Variants in LRRK1 observed in about 807,000 individuals in gnomAD.
LRRK1 encodes leucine rich repeat kinase 1.
A neutral mutation model predicts 209.1 loss-of-function variants in LRRK1; 113 were observed. The ratio of observed to expected loss-of-function variants is 0.54; its 90% CI spans 0.46 to 0.63. The LOEUF is 0.63. LRRK1 is among the 30% of genes least tolerant of loss of function. The pLI, the probability that LRRK1 is intolerant of heterozygous loss-of-function variation, is 0.00. For missense variants in LRRK1, 2,284 were observed against 2,632.2 expected (o/e 0.87, Z 2.89); for synonymous variants, 1,144 against 1,099.7 (o/e 1.04, Z -0.80).
At position 101,071,080 on chromosome 15, in the gene LRRK1, G is replaced by C. The variant is rs909094868; in HGVS notation, c.*2232G>C. The C allele has an allele frequency of 6.6e-6, 1 of 152,224 alleles. No individual in the cohort carries two copies. Among genetic ancestry groups the C allele is most frequent in the Non-Finnish European group, 1.5e-5 (1 of 68,076 alleles). 9.4% of individuals were successfully genotyped at this position (152,224 alleles called of 1,614,324 possible). ...ATGCTTGACCTCACCCAACAGCAGG[G>C]AAACAGTCTCCACAACAGTAAAATG... On this transcript the variant is annotated 3_prime_UTR_variant, in exon 34 of 34. Transcript: ENST00000388948.
intron 31 of LRRK1, 63 bp from the exon 32 acceptor site, chr15:101,065,289 C>G: frequency 6.4e-7 from 1 of 1,565,528 alleles, no homozygotes; most frequent in Non-Finnish European, 8.6e-7. Flanking sequence ...AGTGCCTACT[C>G]TGTGTCTCTC....
intron 3 of LRRK1, among the ~76,000 whole-genome samples, chr15:100,980,213 TACTACTA>T (rs1489492135): frequency 6.6e-6 from 1 of 151,488 alleles, no homozygotes; most frequent in Non-Finnish European, 1.5e-5. Context: ...ATATATGGAG[TACTACTA>T]AGCTATACAA....
At chr15:101,061,117 A>G in intron 29 of LRRK1, 54 bp from the exon 30 acceptor site, 3 of 1,363,450 alleles carry the variant, frequency 2.2e-6, no homozygotes, top group Non-Finnish European at 3.1e-6. Flanking sequence ...GCTCAGGGAA[A>G]GGAGGCAGCC....
intron 3 of LRRK1, among the ~76,000 whole-genome samples, chr15:100,982,737 C>G (rs756786437): frequency 5.9e-5 from 9 of 152,192 alleles, no homozygotes; most frequent in Admixed American, 2.0e-4. Context: ...AGCTGGTTCC[C>G]TTCCCCCTTC....
rs112898862 is a variant in LRRK1, at chr15:101,058,671, A to G, written c.4679+530A>G. Among the ~76,000 whole-genome samples the G allele has an allele frequency of 8.7e-3, 1,012 of 116,730 alleles. 12 individuals carry two copies. Among genetic ancestry groups the G allele is most frequent in the African/African-American group, 0.034 (918 of 27,238 alleles). The allele number at this position is 116,730 out of a possible 152,430, so 76.6% of individuals were successfully genotyped here. ...TTTTGCCAAAGGGAGAGAGGGGCAG[A>G]GGCATTGGGGTGTTTTCAAGGGAGT... On this transcript the variant is annotated intron_variant, in intron 29 of 33. Transcript: ENST00000388948.
At chr15:100,984,480 A>ATCCC (rs1170307242) in intron 4 of LRRK1, among the ~76,000 whole-genome samples, 34 of 18,876 alleles carry the variant, frequency 1.8e-3, no homozygotes, top group Admixed American at 3.8e-3. Context: ...CCCTGGCCCC[A>ATCCC]TCCCTCCCTC....
At chr15:101,044,889 G>A (rs181861823) in intron 20 of LRRK1, among the ~76,000 whole-genome samples, 63 of 152,342 alleles carry the variant, frequency 4.1e-4, no homozygotes, top group Non-Finnish European at 5.9e-5. Flanking sequence ...CTTTTCAGAT[G>A]TAAAGGAATA....
At chr15:101,029,444 G>A (rs529200544) in intron 20 of LRRK1, among the ~76,000 whole-genome samples, 7 of 141,266 alleles carry the variant, frequency 5.0e-5, no homozygotes, top group Non-Finnish European at 8.8e-5. Flanking sequence ...TGTGCCACGG[G>A]CTTCTCTGTT....
intron 2 of LRRK1, among the ~76,000 whole-genome samples, chr15:100,972,165 G>A (rs1197411686): frequency 6.6e-6 from 1 of 151,838 alleles, no homozygotes; most frequent in Non-Finnish European, 1.5e-5. Context: ...GTTTCACCAT[G>A]TTGGCCAGGC....
intron 2 of LRRK1, among the ~76,000 whole-genome samples, chr15:100,951,035 G>A (rs1596188495): frequency 1.3e-5 from 2 of 152,320 alleles, no homozygotes; most frequent in African/African-American, 2.4e-5. Flanking sequence ...CCCGGGAGGC[G>A]GAGCTTGCAG....
intron 12 of LRRK1, among the ~76,000 whole-genome samples, chr15:101,019,431 A>C (rs1013419231): frequency 6.6e-6 from 1 of 152,218 alleles, no homozygotes; most frequent in Non-Finnish European, 1.5e-5. Flanking sequence ...GACTCATACA[A>C]AGCCATCTTT....
chr15:100,990,690 ATTGT>A (rs141478338), intron 6 of LRRK1, among the ~76,000 whole-genome samples: 7,963 of 142,786 alleles, frequency 0.056, 498 homozygotes, highest in African/African-American at 0.16. Flanking sequence ...TTTCTAAAGG[ATTGT>A]TTGTCTTTTT....
chr15:100,962,822 T>TAC (rs1567202934), intron 2 of LRRK1, among the ~76,000 whole-genome samples: 8 of 10,806 alleles, frequency 7.4e-4, no homozygotes, highest in Non-Finnish European at 1.2e-3. Context: ...TATATATATA[T>TAC]ATTTTTTTTT....
intron 17 of LRRK1, among the ~76,000 whole-genome samples, chr15:101,026,632 T>C (rs1237681734): frequency 1.3e-5 from 2 of 152,232 alleles, no homozygotes; most frequent in Non-Finnish European, 2.9e-5. Context: ...CTGGGCTGAC[T>C]GCCTGTCACT....
At chr15:101,015,803 C>A (rs926498266) in intron 12 of LRRK1, among the ~76,000 whole-genome samples, 3 of 152,250 alleles carry the variant, frequency 2.0e-5, no homozygotes, top group Non-Finnish European at 4.4e-5. Context: ...TTGGCTGCCA[C>A]ACCAAAATAC....
chr15:101,068,745 G>A lies in LRRK1; in HGVS notation c.5945G>A (p.Cys1982Tyr), dbSNP rs781380711. 3 of 1,614,014 alleles carry A rather than the reference G, an allele frequency of 1.9e-6. No homozygotes were observed. The highest frequency in any genetic ancestry group is 2.2e-5 in the East Asian group (1 of 44,876). Residue 1982 changes from cysteine to tyrosine, a missense_variant, in exon 34 of 34, where the codon TGC becomes TAC. Coordinates refer to ENST00000388948, the MANE Select transcript of LRRK1 (RefSeq NM_024652.6). ...CTFENENTEW[C>Y]LAVWRGWGAR... ...TTTGAAAATGAAAACACAGAGTGGT[G>A]CCTGGCCGTCTGGAGGGGCTGGGGC... is the stretch of plus-strand genomic sequence containing the variant.
chr15:101,031,486 G>C (rs1291387764), intron 20 of LRRK1, among the ~76,000 whole-genome samples: 1 of 152,198 alleles, frequency 6.6e-6, no homozygotes, highest in African/African-American at 2.4e-5. Context: ...TGGCTTTACT[G>C]CAATTTGTTT....
At chr15:100,940,639 T>C (rs1039543299) in intron 2 of LRRK1, among the ~76,000 whole-genome samples, 4 of 152,202 alleles carry the variant, frequency 2.6e-5, no homozygotes, top group Admixed American at 2.6e-4. Context: ...CCTGTTTCTC[T>C]CCAAGACATC....
chr15:100,986,660 C>T (rs1011454018), intron 4 of LRRK1, among the ~76,000 whole-genome samples: 4 of 152,228 alleles, frequency 2.6e-5, no homozygotes, highest in Non-Finnish European at 4.4e-5. Flanking sequence ...TGCCGAAAAC[C>T]TGGAGCCAAC....
Sources: allele counts gnomAD v4.1 joint callset (sites outside exome capture counted in the v4.1 genomes callset), GRCh38; gene constraint gnomAD v4.1.1; transcripts MANE v1.5; gene names NCBI Gene and HGNC (gene_info 2026-07-23, HGNC 2026-07-21).